The following PGM5 variants were observed in gnomAD, a reference collection of about 807,000 sequenced individuals.
PGM5 encodes the protein phosphoglucomutase-like protein 5.
Under a neutral mutation model 59.2 loss-of-function variants are expected in PGM5, and 23 were observed. The ratio of observed to expected loss-of-function variants is 0.39; its 90% CI spans 0.28 to 0.55. PGM5 has a LOEUF of 0.55. Among genes scored for constraint, PGM5 ranks in the 20% least tolerant of loss-of-function variants. The pLI, the probability that PGM5 is intolerant of heterozygous loss-of-function variation, is 0.66. For missense variants in PGM5, 574 were observed against 748.3 expected (o/e 0.77, Z 2.72); for synonymous variants, 214 against 286.0 (o/e 0.75, Z 2.54).
intron 6 of PGM5, chr9:68,399,256 C>T (rs1394166213): frequency 3.3e-5 from 5 of 152,066 alleles, no homozygotes; most frequent in Admixed American, 2.0e-4. Flanking sequence ...ACAGTGAATA[C>T]TGCTGCACAG....
intron 6 of PGM5, among the ~76,000 whole-genome samples, chr9:68,454,513 G>A (rs111584168): frequency 4.6e-5 from 7 of 152,190 alleles, no homozygotes; most frequent in Non-Finnish European, 5.9e-5. Flanking sequence ...GGATGATGCC[G>A]CAGTAGGAGA....
intron 6 of PGM5, among the ~76,000 whole-genome samples, chr9:68,434,316 C>CAAAAAAAAAAAAAAA (rs71353054): frequency 2.0e-4 from 18 of 90,844 alleles, no homozygotes; most frequent in Admixed American, 3.0e-4. Flanking sequence ...GACTCCGTCT[C>CAAAAAAAAAAAAAAA]AAAAAAAAAA....
At chr9:68,382,506 A>G (rs196724) in intron 2 of PGM5, among the ~76,000 whole-genome samples, 2,389 of 151,912 alleles carry the variant, frequency 0.016, 75 homozygotes, top group African/African-American at 0.054. Context: ...AAAAACAAAT[A>G]AATGGGACTA....
At chr9:68,447,078 T>C (rs1823623565) in intron 6 of PGM5, among the ~76,000 whole-genome samples, 2 of 152,188 alleles carry the variant, frequency 1.3e-5, no homozygotes, top group South Asian at 2.1e-4. Flanking sequence ...CCATCCATTT[T>C]CTTTGCTACT....
intron 6 of PGM5, chr9:68,395,557 A>G (rs1347144978): frequency 1.3e-5 from 2 of 152,094 alleles, no homozygotes; most frequent in Non-Finnish European, 2.9e-5. Context: ...ATAATCTTGA[A>G]TCTTCCATTC....
At chr9:68,441,156 G>C (rs888865046) in intron 6 of PGM5, among the ~76,000 whole-genome samples, 1 of 151,932 alleles carries the variant, frequency 6.6e-6, no homozygotes, top group South Asian at 2.1e-4. Context: ...TGACTTCATA[G>C]TTTAAAACCT....
At chr9:68,506,475 A>G (rs1375146259) in intron 10 of PGM5, among the ~76,000 whole-genome samples, 1 of 152,188 alleles carries the variant, frequency 6.6e-6, no homozygotes, top group Non-Finnish European at 1.5e-5. Flanking sequence ...TAAACTCTTA[A>G]GTTTAATTTG....
At chr9:68,522,500 T>C (rs982369629) in intron 10 of PGM5, among the ~76,000 whole-genome samples, 2 of 152,192 alleles carry the variant, frequency 1.3e-5, no homozygotes, top group African/African-American at 2.4e-5. Context: ...GGTGGAACCA[T>C]GGACTGGCGT....
intron 1 of PGM5, among the ~76,000 whole-genome samples, chr9:68,361,169 T>C (rs1432649653): frequency 6.6e-6 from 1 of 152,198 alleles, no homozygotes; most frequent in Non-Finnish European, 1.5e-5. Context: ...CCTTCCAGCT[T>C]GGTCTCCCTG....
intron 6 of PGM5, among the ~76,000 whole-genome samples, chr9:68,394,803 G>C (rs1471101344): frequency 6.6e-6 from 1 of 151,842 alleles, no homozygotes; most frequent in African/African-American, 2.4e-5. Context: ...AACATTTTTT[G>C]TAGAAATGAG....
chr9:68,423,565 T>A (rs1220893200), intron 6 of PGM5, among the ~76,000 whole-genome samples: 1 of 152,058 alleles, frequency 6.6e-6, no homozygotes, highest in Non-Finnish European at 1.5e-5. Flanking sequence ...GACATTAGGT[T>A]CAATCAGGTT....
intron 10 of PGM5, among the ~76,000 whole-genome samples, chr9:68,516,448 A>T (rs1379748162): frequency 2.0e-5 from 3 of 152,160 alleles, no homozygotes; most frequent in African/African-American, 7.2e-5. Context: ...GAAGCTGGAG[A>T]ATGCCACTGT....
At chr9:68,393,960 G>A (rs1190428316) in intron 6 of PGM5, 1 of 152,158 alleles carries the variant, frequency 6.6e-6, no homozygotes, top group Admixed American at 6.5e-5. Flanking sequence ...GACACATGCA[G>A]TGGGTATGGA....
At chr9:68,379,503 A>G (rs1273376748) in intron 2 of PGM5, among the ~76,000 whole-genome samples, 9 of 152,168 alleles carry the variant, frequency 5.9e-5, no homozygotes, top group Admixed American at 3.9e-4. Flanking sequence ...AAACCACCAA[A>G]CTACAAAGGT....
intron 6 of PGM5, among the ~76,000 whole-genome samples, chr9:68,411,402 CATATATACACACATACATGTGTGTAT>C (rs1228674878): frequency 7.4e-6 from 1 of 135,064 alleles, no homozygotes; most frequent in Non-Finnish European, 1.6e-5. Context: ...TATACACACA[CATATATACACACATACATGTGTGTAT>C]ATATATACAC....
intron 6 of PGM5, among the ~76,000 whole-genome samples, chr9:68,443,569 G>A (rs1554683817): frequency 6.6e-6 from 1 of 152,150 alleles, no homozygotes; most frequent in Non-Finnish European, 1.5e-5. Context: ...TGCAGCTTGC[G>A]TACCACTTCT....
intron 6 of PGM5, among the ~76,000 whole-genome samples, chr9:68,446,396 G>A (rs1823612802): frequency 6.6e-6 from 1 of 152,252 alleles, no homozygotes; most frequent in Non-Finnish European, 1.5e-5. Flanking sequence ...CCTTAGGATA[G>A]AGAGTGAATA....
intron 6 of PGM5, among the ~76,000 whole-genome samples, chr9:68,464,296 C>T (rs1482362574): frequency 6.6e-6 from 1 of 152,156 alleles, no homozygotes; most frequent in African/African-American, 2.4e-5. Flanking sequence ...ATCAAAGTTG[C>T]ATTCAAGATC....
intron 4 of PGM5, among the ~76,000 whole-genome samples, chr9:68,389,361 A>G (rs1440038477): frequency 6.6e-6 from 1 of 152,100 alleles, no homozygotes; most frequent in Admixed American, 6.6e-5. Context: ...GAATATTTCC[A>G]TCACCCCAAA....
Sources: allele counts gnomAD v4.1 joint callset (sites outside exome capture counted in the v4.1 genomes callset), GRCh38; gene constraint gnomAD v4.1.1; transcripts MANE v1.5; gene names NCBI Gene and HGNC (gene_info 2026-07-23, HGNC 2026-07-21).